Variants in ITPR3 observed in about 807,000 individuals in gnomAD.
ITPR3 encodes the protein inositol 1,4,5-trisphosphate receptor type 3.
In ITPR3, 173 loss-of-function variants were observed where a neutral mutation model predicts 293.2. The ratio of observed to expected loss-of-function variants is 0.59; its 90% CI spans 0.52 to 0.67. The LOEUF is 0.67. ITPR3 is among the 30% of genes least tolerant of loss of function. The probability of loss-of-function intolerance (pLI) is 0.00; values close to 1 mark genes in which losing one functional copy is unlikely to be tolerated. For synonymous variants in ITPR3, 1,295 were observed against 1,444.4 expected (o/e 0.90, Z 2.35); for missense variants, 2,796 against 3,592.1 (o/e 0.78, Z 5.66).
rs758607698 is a variant in ITPR3 at position 33,678,735 on chromosome 6, C to T, written c.3868C>T (p.Leu1290=). The part of the protein sequence containing the change: ...EPVLQHFVHL[L]ATHGRHVQYL... Reference sequence around the variant, plus strand: ...TGTGTTGCAGCACTTCGTGCACCTGCTGGCCACGCACGGGCGCCATGTGCA... The same window carrying T: ...TGTGTTGCAGCACTTCGTGCACCTGTTGGCCACGCACGGGCGCCATGTGCA... The change falls in exon 30 of 58, where the codon CTG becomes TTG. Residue 1290 remains leucine (L), a synonymous_variant. Transcript: ENST00000605930. 2 of 1,613,536 alleles carry T rather than the reference C, an allele frequency of 1.2e-6. No homozygotes were observed. The highest frequency in any genetic ancestry group is 1.7e-6 in the Non-Finnish European group (2 of 1,179,900).
chr6:33,631,201 G>A (rs1224112190), intron 1 of ITPR3, among the ~76,000 whole-genome samples: 3 of 152,208 alleles, frequency 2.0e-5, no homozygotes, highest in African/African-American at 4.8e-5. Flanking sequence ...CCCCATGTGC[G>A]GAGATGAGAG....
chr6:33,674,355 G>C, intron 24 of ITPR3, 90 bp downstream of exon 24: 1 of 1,270,798 alleles, frequency 7.9e-7, no homozygotes, highest in South Asian at 1.3e-5. Flanking sequence ...GCTGGGGGCT[G>C]GCTCTTCCTC....
Position 33,632,363 on chromosome 6 carries a change from T to TA in ITPR3, c.90-8120dup, listed in dbSNP as rs1199227259. Among the ~76,000 whole-genome samples the TA allele has an allele frequency of 2.6e-5, 4 of 152,154 alleles. No individual in the cohort carries two copies. Among genetic ancestry groups the TA allele is most frequent in the Admixed American group, 2.0e-4 (3 of 15,284 alleles). On this transcript the variant is annotated intron_variant, in intron 1 of 57. Coordinates refer to ENST00000605930, the MANE Select transcript of ITPR3 (RefSeq NM_002224.4). This position sits in a 1 kb window ranked among gnomAD's most constrained non-coding sequence, Gnocchi z 4.1. ...GTAGGTTTTGAGTCAGGCTCCTTGA[T>TA]AGTCACCTGCCCCACTTCTATCTAG...
At position 33,689,252 on chromosome 6, in the gene ITPR3, C is replaced by T; in HGVS notation, c.6709C>T (p.Pro2237Ser). The stretch of plus-strand genomic sequence containing the variant: ...CTGGCCCCCAGGCGTGCTGGACTCC[C>T]CTCTCATCTCATTGCTCTTCTGGAT... ...EGASTGVLDS[P>S]LISLLFWILI... The change falls in exon 50 of 58, where the codon CCT (proline) becomes TCT (serine). Residue 2237 changes from proline (P) to serine (S), a missense_variant. This residue lies in a region of ITPR3 where 568 missense variants were observed against 796.1 expected (regional missense o/e 0.71). Transcript: ENST00000605930. 6.2e-7 allele frequency: 1 copy of T among 1,610,322 alleles called. No homozygotes were observed. The highest frequency in any genetic ancestry group is 1.1e-5 in the South Asian group (1 of 91,090).
chr6:33,634,848 C>G (rs916744547), intron 1 of ITPR3, among the ~76,000 whole-genome samples: 6 of 152,092 alleles, frequency 3.9e-5, no homozygotes, highest in Admixed American at 3.9e-4. Context: ...CCAGGAGAGG[C>G]GTGGAGGGGT....
Position 33,679,758 on chromosome 6 carries a change from GT to G in ITPR3, c.3973-120del. 7.8e-7 allele frequency: 1 copy of G among 1,282,886 alleles called. No homozygotes were observed. The allele number at this position is 1,282,886 out of a possible 1,614,324, so 79.5% of individuals were successfully genotyped here. A position where few individuals can be genotyped will look rare whatever the true frequency, so the allele number is the denominator to read the frequency against. On this transcript the variant is annotated intron_variant, in intron 30 of 57. Coordinates refer to ENST00000605930, the MANE Select transcript of ITPR3 (RefSeq NM_002224.4). The surrounding 1 kb of genome is among the most constrained non-coding windows in gnomAD (Gnocchi z 4.2). ...ACCCCCAAATCCCAGCCAGGGGAGG[GT>G]TTTCCTGATTTCAGGTAAGGGCTGT...
rs772998280 is a variant in ITPR3 at position 33,624,770 on chromosome 6, T to C, written c.89+3079T>C. On this transcript the variant is annotated intron_variant, in intron 1 of 57. Transcript: ENST00000605930. This position sits in a 1 kb window ranked among gnomAD's most constrained non-coding sequence, Gnocchi z 4.7. The stretch of plus-strand genomic sequence containing the variant: ...GAATGTGTTGAAGGCAGGGGTGGCC[T>C]TGGTGGGCAGATGGGCCAGGTCACC... Among the ~76,000 whole-genome samples the C allele has an allele frequency of 8.5e-5, 13 of 152,162 alleles. No homozygotes were observed. Among genetic ancestry groups the C allele is most frequent in the Middle Eastern group, 3.2e-3 (1 of 316 alleles).
chr6:33,661,109 C>T (rs577323945), intron 7 of ITPR3, among the ~76,000 whole-genome samples: 3 of 152,336 alleles, frequency 2.0e-5, no homozygotes, highest in African/African-American at 7.2e-5. Context: ...CCCTGCCCTG[C>T]GCTACTGGGG....
chr6:33,695,642 T>C, intron 57 of ITPR3, 70 bp from the exon 58 acceptor site: 2 of 1,490,442 alleles, frequency 1.3e-6, no homozygotes, highest in Non-Finnish European at 1.9e-6. Context: ...TGCCAAGCTC[T>C]TCCACAGCAC....
chr6:33,685,015 T>A, intron 39 of ITPR3, 72 bp downstream of exon 39: 1 of 1,526,716 alleles, frequency 6.6e-7, no homozygotes, highest in Non-Finnish European at 8.9e-7. Context: ...GGGCCTTGAG[T>A]TGGGCACTGA....
At chr6:33,649,612 G>T (rs1172603674) in intron 2 of ITPR3, among the ~76,000 whole-genome samples, 1 of 152,346 alleles carries the variant, frequency 6.6e-6, no homozygotes, top group Non-Finnish European at 1.5e-5. Context: ...TGTTCTATAG[G>T]TTGAGTCTAA....
intron 7 of ITPR3, among the ~76,000 whole-genome samples, chr6:33,659,799 T>C (rs1561862504): frequency 6.6e-6 from 1 of 152,132 alleles, no homozygotes; most frequent in Non-Finnish European, 1.5e-5. Flanking sequence ...TTTTCTCCCT[T>C]GTTTAAGGGG....
chr6:33,675,686 C>T lies in ITPR3; in HGVS notation c.3117-5C>T, dbSNP rs1459417959. The T allele has an allele frequency of 2.0e-5, 32 of 1,593,184 alleles. No individual in the cohort carries two copies. Among genetic ancestry groups the T allele is most frequent in the East Asian group, 1.1e-4 (5 of 44,494 alleles). On this transcript the variant is annotated splice_region_variant and splice_polypyrimidine_tract_variant and intron_variant, in intron 24 of 57. Transcript: ENST00000605930. The surrounding 1 kb of genome is among the most constrained non-coding windows in gnomAD (Gnocchi z 5.0). ...CCCATGCGCCCTGCACCCTTGTGCC[C>T]GCAGGAAGACAAGCAGCATGCTGGA...
chr6:33,665,958 G>A lies in ITPR3; in HGVS notation c.1533G>A (p.Glu511=), dbSNP rs746587199. 6 of 1,611,324 alleles carry A rather than the reference G, an allele frequency of 3.7e-6. No homozygotes were observed. The highest frequency in any genetic ancestry group is 1.3e-5 in the African/African-American group (1 of 74,994). The change falls in exon 14 of 58, where the codon GAG becomes GAA. Residue 511 remains glutamate, a synonymous_variant. Transcript: ENST00000605930. The part of the protein sequence containing the change: ...PNRERQKLMR[E]QNILKQVFGI... ...GGGAACGGCAGAAGCTGATGAGGGA[G>A]CAGAACATCCTCAAACAGGTGCGTG...
intron 23 of ITPR3, 136 bp from the exon 24 acceptor site, chr6:33,674,072 C>G: frequency 9.1e-7 from 1 of 1,094,788 alleles, no homozygotes; most frequent in Non-Finnish European, 1.4e-6. Context: ...CTACTTGGTT[C>G]CTTCCCAGAA....
chr6:33,680,433 C>T lies in ITPR3; in HGVS notation c.4329C>T (p.Asn1443=). ...ACCACATCTGGACGCTCTTTGAGAA[C>T]TTCACCCTGGACATGGCCCGGGTCT... The part of the protein sequence containing the change: ...TSNHIWTLFE[N]FTLDMARVCS... Residue 1443 remains asparagine (N), a synonymous_variant, in exon 32 of 58, where the codon AAC becomes AAT. Transcript: ENST00000605930. 1.2e-6 allele frequency: 2 copies of T among 1,613,540 alleles called. No individual in the cohort carries two copies. The highest frequency in any genetic ancestry group is 2.7e-5 in the African/African-American group (2 of 75,078).
chr6:33,686,604 T>C (rs1582162325), intron 43 of ITPR3, 85 bp downstream of exon 43: 1 of 994,440 alleles, frequency 1.0e-6, no homozygotes, highest in Non-Finnish European at 1.6e-6. Flanking sequence ...CAAGTGTACA[T>C]AGTGGTGTGT....
In ITPR3 at chr6:33,666,028, GA is replaced by G; in HGVS notation, c.1551+53del. The G allele has an allele frequency of 6.5e-7, 1 of 1,542,212 alleles. No individual in the cohort carries two copies. The highest frequency in any genetic ancestry group is 1.2e-5 in the South Asian group (1 of 84,334). On this transcript the variant is annotated intron_variant, in intron 14 of 57. Coordinates refer to ENST00000605930, the MANE Select transcript of ITPR3 (RefSeq NM_002224.4). This position sits in a 1 kb window ranked among gnomAD's most constrained non-coding sequence, Gnocchi z 5.1. Reference sequence around the variant, plus strand: ...AGAGGGGCCGGGTGCCCGGGAGAGGGATGCCTTCAACTGCAGGCTCATCCCC... The same window carrying G: ...AGAGGGGCCGGGTGCCCGGGAGAGGGTGCCTTCAACTGCAGGCTCATCCCC...
At chr6:33,671,094 C>T in intron 20 of ITPR3, 71 bp from the exon 21 acceptor site, 1 of 1,592,728 alleles carries the variant, frequency 6.3e-7, no homozygotes, top group Admixed American at 1.7e-5. Context: ...CAGTCCTGGC[C>T]TGCCCTCCAC....
Sources: allele counts gnomAD v4.1 joint callset (sites outside exome capture counted in the v4.1 genomes callset), GRCh38; gene constraint gnomAD v4.1.1; regional missense constraint gnomAD v4.1.1; non-coding constraint Gnocchi (gnomAD v3.1); transcripts MANE v1.5; gene names NCBI Gene and HGNC (gene_info 2026-07-23, HGNC 2026-07-21).